Variants in MACO1 observed in about 807,000 individuals in gnomAD.
MACO1 encodes the protein macoilin.
Under a neutral mutation model 78.7 loss-of-function variants are expected in MACO1, and 14 were observed. The ratio of observed to expected loss-of-function variants is 0.18; its 90% CI spans 0.12 to 0.28. The LOEUF (loss-of-function observed/expected upper bound fraction) is 0.28. Among genes scored for constraint, MACO1 ranks in the 10% least tolerant of loss-of-function variants. The probability of loss-of-function intolerance (pLI) is 1.00; values close to 1 mark genes in which losing one functional copy is unlikely to be tolerated. For synonymous variants in MACO1, 288 were observed against 291.6 expected (o/e 0.99, Z 0.12); for missense variants, 501 against 799.0 (o/e 0.63, Z 4.50).
chr1:25,466,092 T>C (rs937104461), intron 6 of MACO1, among the ~76,000 whole-genome samples: 3 of 152,254 alleles, frequency 2.0e-5, no homozygotes, highest in Admixed American at 6.5e-5. Context: ...GGTATATTTT[T>C]GATACATTGA....
Position 25,468,867 on chromosome 1 carries a change from G to A in MACO1, c.1154+9975G>A, listed in dbSNP as rs563855902. 3.3e-5 allele frequency among the ~76,000 whole-genome samples: 5 copies of A among 152,162 alleles called. No individual in the cohort carries two copies. The South Asian group carries it at 1.0e-3, about 32-fold the overall frequency. On this transcript the variant is annotated intron_variant, in intron 6 of 10. Coordinates refer to ENST00000374343, the MANE Select transcript of MACO1 (RefSeq NM_018202.6). ...GTTTTTTTGTTTTGTTTTGTTTTTG[G>A]AGACGGAGTCTCACTCTGTCGCCCA...
In MACO1 at chr1:25,448,871, C is replaced by G; in HGVS notation, c.286C>G (p.Pro96Ala). 6.4e-7 allele frequency: 1 copy of G among 1,558,010 alleles called. No individual in the cohort carries two copies. The highest frequency in any genetic ancestry group is 8.8e-7 in the Non-Finnish European group (1 of 1,141,506). The change falls in exon 3 of 11, where the codon CCC (proline) becomes GCC (alanine). Residue 96 changes from proline to alanine, a missense_variant. Physicochemically the swap from Pro to Ala is conservative, Grantham distance 27 (BLOSUM62 -1). Coordinates refer to ENST00000374343, the MANE Select transcript of MACO1 (RefSeq NM_018202.6). Reference protein sequence around the residue: ...TSNIICLLFIPIQWLFFAAST... With the variant: ...TSNIICLLFIAIQWLFFAAST... The stretch of plus-strand genomic sequence containing the variant: ...AAATATAATATGCCTGCTGTTCATC[C>G]CCATACAGTGGCTTTTTTTTGCTGC...
chr1:25,493,433 A>T (rs1404159390), intron 10 of MACO1, among the ~76,000 whole-genome samples: 3 of 149,604 alleles, frequency 2.0e-5, no homozygotes, highest in African/African-American at 7.4e-5. Context: ...TTTTTTTTCT[A>T]GAGACGAGGT....
chr1:25,449,659 A>G (rs890014235), intron 3 of MACO1, among the ~76,000 whole-genome samples: 1 of 152,088 alleles, frequency 6.6e-6, no homozygotes, highest in Non-Finnish European at 1.5e-5. Flanking sequence ...CAGCTTGCTG[A>G]TTTCTTAGAG....
intron 10 of MACO1, among the ~76,000 whole-genome samples, chr1:25,497,268 T>C (rs1192420247): frequency 6.6e-6 from 1 of 151,394 alleles, no homozygotes; most frequent in African/African-American, 2.4e-5. Context: ...TAATCCCAGC[T>C]ACTCAGGAGG....
intron 5 of MACO1, 109 bp from the exon 6 acceptor site, chr1:25,458,282 G>A (rs1225164982): frequency 2.1e-6 from 3 of 1,431,950 alleles, no homozygotes; most frequent in African/African-American, 1.4e-5. Flanking sequence ...GCAAACTAAT[G>A]TGAATTTCTT....
At chr1:25,461,932 G>T (rs1300072282) in intron 6 of MACO1, among the ~76,000 whole-genome samples, 21 of 152,050 alleles carry the variant, frequency 1.4e-4, no homozygotes, top group Admixed American at 1.3e-3. Flanking sequence ...AAAAGGAAAA[G>T]CCTCTATCTG....
At chr1:25,489,939 G>A (rs2043470025) in intron 9 of MACO1, among the ~76,000 whole-genome samples, 2 of 152,040 alleles carry the variant, frequency 1.3e-5, no homozygotes, top group African/African-American at 4.8e-5. Flanking sequence ...AGATGGGAAA[G>A]GTAACGATTA....
intron 6 of MACO1, among the ~76,000 whole-genome samples, chr1:25,482,251 TCC>T (rs2043385732): frequency 1.3e-5 from 2 of 152,168 alleles, no homozygotes; most frequent in South Asian, 4.1e-4. Context: ...ATATTGTTAT[TCC>T]TAGTTTGTGG....
chr1:25,433,378 C>A lies in MACO1; in HGVS notation c.80+2200C>A, dbSNP rs143417584. Among the ~76,000 whole-genome samples, 5 of 152,104 alleles carry A rather than the reference C, an allele frequency of 3.3e-5. No homozygotes were observed. The East Asian group carries it at 9.6e-4, about 29-fold the overall frequency. ...TTATAAACTAGAATGCTTGAGGATT[C>A]ATGAATATCAAATTTCTGGTGATCA... On this transcript the variant is annotated intron_variant, in intron 1 of 10. Coordinates refer to ENST00000374343, the MANE Select transcript of MACO1 (RefSeq NM_018202.6).
At chr1:25,470,865 T>TA (rs1176720510) in intron 6 of MACO1, among the ~76,000 whole-genome samples, 11 of 151,588 alleles carry the variant, frequency 7.3e-5, no homozygotes, top group African/African-American at 2.4e-4. Flanking sequence ...CCATCTCTAC[T>TA]AAAAATATAA....
At chr1:25,489,087 C>T in intron 8 of MACO1, 86 bp from the exon 9 acceptor site, 2 of 1,483,262 alleles carry the variant, frequency 1.3e-6, no homozygotes, top group South Asian at 1.3e-5. Context: ...TCCCAAAGTG[C>T]TGGGATTACA....
At chr1:25,452,766 G>A (rs984729228) in intron 3 of MACO1, among the ~76,000 whole-genome samples, 11 of 148,948 alleles carry the variant, frequency 7.4e-5, no homozygotes, top group East Asian at 2.0e-4. Context: ...GCGCAATCTC[G>A]GCTCACTGCA....
intron 2 of MACO1, among the ~76,000 whole-genome samples, chr1:25,447,348 A>T (rs533145441): frequency 7.2e-5 from 11 of 152,206 alleles, no homozygotes; most frequent in African/African-American, 2.7e-4. Flanking sequence ...CGTAAAAACT[A>T]TTGAGGACTC....
chr1:25,461,356 TATA>T (rs1331823348), intron 6 of MACO1, among the ~76,000 whole-genome samples: 1 of 151,998 alleles, frequency 6.6e-6, no homozygotes, highest in Non-Finnish European at 1.5e-5. Context: ...AAACTTAAAG[TATA>T]ATAATAATAA....
chr1:25,435,519 T>A (rs2042912338), intron 1 of MACO1, among the ~76,000 whole-genome samples: 1 of 152,222 alleles, frequency 6.6e-6, no homozygotes, highest in Non-Finnish European at 1.5e-5. Context: ...ATTTGACTGC[T>A]TTTTCTGCCT....
At chr1:25,484,865 C>T (rs933792117) in intron 7 of MACO1, among the ~76,000 whole-genome samples, 1 of 152,114 alleles carries the variant, frequency 6.6e-6, no homozygotes, top group African/African-American at 2.4e-5. Flanking sequence ...TGGGCTTTCC[C>T]TGTTGAAAGA....
In MACO1 at chr1:25,444,078, C is replaced by T. The variant is rs187049458; in HGVS notation, c.81-2684C>T. Among the ~76,000 whole-genome samples the T allele has an allele frequency of 9.2e-5, 14 of 151,778 alleles. 1 individual carries two copies. In the South Asian group the frequency reaches 2.9e-3, roughly 32 times the overall value. On this transcript the variant is annotated intron_variant, in intron 1 of 10. Coordinates refer to ENST00000374343, the MANE Select transcript of MACO1 (RefSeq NM_018202.6). The stretch of plus-strand genomic sequence containing the variant: ...ACCAGCCTGGCCAACATGGTGAAAA[C>T]ACGTCTCTACTAAAAAAATACAAAA...
chr1:25,443,218 C>T (rs12071746), intron 1 of MACO1, among the ~76,000 whole-genome samples: 9,442 of 152,196 alleles, frequency 0.062, 906 homozygotes, highest in African/African-American at 0.21. Context: ...AACTTCTGTA[C>T]ATGTACCTAC....
Sources: gnomAD v4.1 joint callset for allele counts (sites outside exome capture counted in the v4.1 genomes callset) on GRCh38, gnomAD v4.1.1 for gene constraint, MANE v1.5 for transcripts, NCBI Gene and HGNC (gene_info 2026-07-23, HGNC 2026-07-21) for gene names.